The following STXBP4 variants were observed in gnomAD, a reference collection of about 807,000 sequenced individuals.
STXBP4 encodes syntaxin binding protein 4.
In STXBP4, 55 loss-of-function variants were observed where a neutral mutation model predicts 76.1. The ratio of observed to expected loss-of-function variants is 0.72; its 90% CI spans 0.58 to 0.91. STXBP4 has a LOEUF of 0.91. Among genes scored for constraint, STXBP4 ranks in the 40% least tolerant of loss-of-function variants. The pLI, the probability that STXBP4 is intolerant of heterozygous loss-of-function variation, is 0.00. For missense variants in STXBP4, 618 were observed against 636.9 expected, an observed-to-expected ratio of 0.97 and a Z score of 0.32; for synonymous variants, 201 against 220.2, an observed-to-expected ratio of 0.91 and a Z score of 0.77.
intron 16 of STXBP4, among the ~76,000 whole-genome samples, chr17:55,135,012 A>G (rs2080012850): frequency 6.6e-6 from 1 of 152,146 alleles, no homozygotes; most frequent in South Asian, 2.1e-4. Flanking sequence ...TGACTCCACA[A>G]TGTAGCTGAG....
At chr17:55,118,011 G>A (rs1251494597) in intron 16 of STXBP4, among the ~76,000 whole-genome samples, 11 of 151,898 alleles carry the variant, frequency 7.2e-5, no homozygotes, top group African/African-American at 2.7e-4. Context: ...GTTCTAAAGA[G>A]CAAAACTAAA....
chr17:55,155,552 G>A (rs1438446385), intron 17 of STXBP4, among the ~76,000 whole-genome samples: 1 of 146,224 alleles, frequency 6.8e-6, no homozygotes, highest in Non-Finnish European at 1.5e-5. Context: ...AATTACTTTT[G>A]GCTCTTTATT....
chr17:55,197,320 A>G, the STXBP4 span, among the ~76,000 whole-genome samples: 3 of 152,214 alleles, frequency 2.0e-5, no homozygotes, highest in Admixed American at 2.0e-4. Flanking sequence ...AAAGTGACCA[A>G]TGGGAAATTT....
chr17:55,197,384 C>G, the STXBP4 span, among the ~76,000 whole-genome samples: 2 of 152,212 alleles, frequency 1.3e-5, no homozygotes, highest in Non-Finnish European at 2.9e-5. Context: ...CATTGGGAAC[C>G]AAGCCACCAA....
intron 8 of STXBP4, among the ~76,000 whole-genome samples, chr17:55,027,108 G>T (rs1488421121): frequency 6.6e-6 from 1 of 152,162 alleles, no homozygotes; most frequent in Non-Finnish European, 1.5e-5. Flanking sequence ...CTCCCTGTGT[G>T]AACTCTTCTG....
intron 12 of STXBP4, among the ~76,000 whole-genome samples, chr17:55,060,665 G>A (rs1255735165): frequency 2.0e-5 from 3 of 152,124 alleles, no homozygotes; most frequent in African/African-American, 7.2e-5. Context: ...TGGCTGTACT[G>A]TTCTCTAAAA....
intron 10 of STXBP4, among the ~76,000 whole-genome samples, chr17:55,039,367 G>A (rs1216187308): frequency 6.6e-6 from 1 of 151,926 alleles, no homozygotes; most frequent in African/African-American, 2.4e-5. Context: ...AAGATAATTG[G>A]GTTCATTCAG....
At chr17:54,984,339 CTTTTT>C (rs60222961) in intron 1 of STXBP4, among the ~76,000 whole-genome samples, 162 of 81,192 alleles carry the variant, frequency 2.0e-3, no homozygotes, top group Non-Finnish European at 4.0e-3. Flanking sequence ...TTTCTTTTTT[CTTTTT>C]TTTTTTTTTT....
intron 4 of STXBP4, among the ~76,000 whole-genome samples, chr17:54,992,358 T>C (rs73323223): frequency 0.016 from 2,451 of 150,458 alleles, 68 homozygotes; most frequent in African/African-American, 0.057. Flanking sequence ...TCAAGAGCAG[T>C]GAGGCATGAT....
intron 16 of STXBP4, among the ~76,000 whole-genome samples, chr17:55,120,375 C>T (rs2079830240): frequency 6.6e-6 from 1 of 152,190 alleles, no homozygotes; most frequent in South Asian, 2.1e-4. Flanking sequence ...GTTGGTAGTA[C>T]CTACCTATAA....
intron 16 of STXBP4, among the ~76,000 whole-genome samples, chr17:55,111,539 C>CGTTG (rs2079716137): frequency 1.3e-5 from 2 of 152,076 alleles, no homozygotes; most frequent in African/African-American, 4.8e-5. Flanking sequence ...AACGCCATCC[C>CGTTG]GTTGGTGCTG....
At chr17:55,074,122 G>C (rs2079153507) in intron 13 of STXBP4, among the ~76,000 whole-genome samples, 1 of 151,932 alleles carries the variant, frequency 6.6e-6, no homozygotes, top group Admixed American at 6.6e-5. Flanking sequence ...AATCCAATCA[G>C]TTTCTAAGAG....
intron 15 of STXBP4, among the ~76,000 whole-genome samples, chr17:55,080,745 G>A (rs2628303): frequency 0.23 from 35,557 of 151,816 alleles, 4,645 homozygotes; most frequent in South Asian, 0.31. Flanking sequence ...TATCATGTTA[G>A]CAAAAGAGAA....
intron 16 of STXBP4, among the ~76,000 whole-genome samples, chr17:55,108,988 G>T (rs1274794541): frequency 1.3e-5 from 2 of 152,046 alleles, no homozygotes; most frequent in Non-Finnish European, 2.9e-5. Context: ...GTAGAAAGTT[G>T]ACAAAAATAC....
chr17:55,147,577 T>C (rs2080171476), intron 17 of STXBP4, among the ~76,000 whole-genome samples: 1 of 152,258 alleles, frequency 6.6e-6, no homozygotes, highest in African/African-American at 2.4e-5. Flanking sequence ...CATGCATTCA[T>C]TTGGATTGAT....
At chr17:55,072,254 C>A (rs1053173208) in intron 12 of STXBP4, among the ~76,000 whole-genome samples, 1 of 152,150 alleles carries the variant, frequency 6.6e-6, no homozygotes, top group Non-Finnish European at 1.5e-5. Context: ...TTAGTAATGT[C>A]TTTCTCTCAA....
chr17:55,043,772 G>GA (rs2078743986), intron 11 of STXBP4: 5 of 851,138 alleles, frequency 5.9e-6, no homozygotes, highest in Non-Finnish European at 3.5e-6. Flanking sequence ...TTTTAGAGAG[G>GA]AAAAAAACAC....
the STXBP4 span, among the ~76,000 whole-genome samples, chr17:55,194,961 C>CATACCTGTGCATACCACCTAAATATCA: frequency 2.6e-5 from 4 of 152,198 alleles, no homozygotes; most frequent in East Asian, 1.9e-4. Flanking sequence ...ATCAAGTACT[C>CATACCTGTGCATACCACCTAAATATCA]ATACCTGTGC....
In STXBP4 at chr17:55,033,467, A is replaced by G. The variant is rs563606591; in HGVS notation, c.764-701A>G. 5.9e-4 allele frequency among the ~76,000 whole-genome samples: 90 copies of G among 152,322 alleles called. 1 individual carries two copies. The East Asian group carries it at 0.016, about 26-fold the overall frequency. On this transcript the variant is annotated intron_variant, in intron 9 of 17. Coordinates refer to ENST00000376352, the MANE Select transcript of STXBP4 (RefSeq NM_178509.6). The stretch of plus-strand genomic sequence containing the variant: ...AGAGAAAAGTGAAGGTAATGCAACC[A>G]TGAAATAAAGTAGGATATTGTAAAA...
Sources: allele counts gnomAD v4.1 joint callset (sites outside exome capture counted in the v4.1 genomes callset), GRCh38; gene constraint gnomAD v4.1.1; transcripts MANE v1.5; gene names NCBI Gene and HGNC (gene_info 2026-07-23, HGNC 2026-07-21).